The following MAP3K4 variants were observed in gnomAD, a reference collection of about 807,000 sequenced individuals.
The protein encoded by MAP3K4 is mitogen-activated protein kinase kinase kinase 4.
Under a neutral mutation model 185.6 loss-of-function variants are expected in MAP3K4, and 67 were observed. That is an observed-to-expected ratio of 0.36 (90% CI 0.30 to 0.44). MAP3K4 has a LOEUF of 0.44. Among genes scored for constraint, MAP3K4 ranks in the 20% least tolerant of loss-of-function variants. The pLI is 1.00. For synonymous variants in MAP3K4, 702 were observed against 710.4 expected, an observed-to-expected ratio of 0.99 and a Z score of 0.19; for missense variants, 1,551 against 1,995.1, an observed-to-expected ratio of 0.78 and a Z score of 4.24.
chr6:161,094,920 T>C (rs1166178152), intron 15 of MAP3K4, among the ~76,000 whole-genome samples: 1 of 152,228 alleles, frequency 6.6e-6, no homozygotes, highest in African/African-American at 2.4e-5. Flanking sequence ...TTTAAAATAT[T>C]TTATTAGATA....
rs1197306539 is a variant in MAP3K4 at position 161,084,858 on chromosome 6, G to A, written c.2372+241G>A. Among the ~76,000 whole-genome samples, 3 of 152,136 alleles carry A rather than the reference G, an allele frequency of 2.0e-5. No homozygotes were observed. The highest frequency in any genetic ancestry group is 1.3e-4 in the Admixed American group (2 of 15,272). On this transcript the variant is annotated intron_variant, in intron 7 of 26. Coordinates refer to ENST00000392142, the MANE Select transcript of MAP3K4 (RefSeq NM_005922.4). This position sits in a 1 kb window ranked among gnomAD's most constrained non-coding sequence, Gnocchi z 4.6. ...ATTTATTTAGTGTGATAAAAATAGT[G>A]CCAACTGGCTGGGCGCGGTGGCTCA...
chr6:161,014,491 G>A (rs561173024), intron 1 of MAP3K4, among the ~76,000 whole-genome samples: 1 of 152,322 alleles, frequency 6.6e-6, no homozygotes, highest in Admixed American at 6.5e-5. Context: ...GTCATGCAGA[G>A]AGCTGTTCCA....
rs1784939991 is a variant in MAP3K4 at position 161,071,457 on chromosome 6, C to T, written c.1950+607C>T. Among the ~76,000 whole-genome samples, 1 of 152,126 alleles carries T rather than the reference C, an allele frequency of 6.6e-6. No individual in the cohort carries two copies. Among genetic ancestry groups the T allele is most frequent in the Non-Finnish European group, 1.5e-5 (1 of 68,030 alleles). Reference sequence around the variant, plus strand: ...TATTCACCATATAAAGTAAAAATTTCCAGACCTTGTCCCCAAAAGAAGAAA... The same window carrying T: ...TATTCACCATATAAAGTAAAAATTTTCAGACCTTGTCCCCAAAAGAAGAAA... On this transcript the variant is annotated intron_variant, in intron 4 of 26. Transcript: ENST00000392142. This position sits in a 1 kb window ranked among gnomAD's most constrained non-coding sequence, Gnocchi z 4.6.
At chr6:161,014,120 CTT>C (rs1781972428) in intron 1 of MAP3K4, among the ~76,000 whole-genome samples, 1 of 152,190 alleles carries the variant, frequency 6.6e-6, no homozygotes, top group East Asian at 1.9e-4. Context: ...ATTAACATGA[CTT>C]TTGTAATAAC....
rs10945711 is a variant in MAP3K4 at position 161,084,259 on chromosome 6, G to A, written c.2256-242G>A. Among the ~76,000 whole-genome samples, 3,478 of 152,288 alleles carry A rather than the reference G, an allele frequency of 0.023. 142 individuals carry two copies. Among genetic ancestry groups the A allele is most frequent in the African/African-American group, 0.08 (3,338 of 41,536 alleles). On this transcript the variant is annotated intron_variant, in intron 6 of 26. Coordinates refer to ENST00000392142, the MANE Select transcript of MAP3K4 (RefSeq NM_005922.4). The surrounding 1 kb of genome is among the most constrained non-coding windows in gnomAD (Gnocchi z 4.6). The stretch of plus-strand genomic sequence containing the variant: ...TAATTCCATAGCTACTATGAATACA[G>A]TTTAAGATTTTAAGGTTTATATTGA...
chr6:160,994,162 A>G (rs530655598), intron 1 of MAP3K4, among the ~76,000 whole-genome samples: 30 of 150,032 alleles, frequency 2.0e-4, no homozygotes, highest in Non-Finnish European at 3.4e-4. Flanking sequence ...TTTATTTTCA[A>G]TAGTTTTTGG....
intron 23 of MAP3K4, among the ~76,000 whole-genome samples, chr6:161,111,634 G>A (rs569996048): frequency 6.6e-6 from 1 of 152,300 alleles, no homozygotes; most frequent in South Asian, 2.1e-4. Flanking sequence ...TACCTGCACT[G>A]GTGTTAAAAT....
chr6:161,070,904 G>C lies in MAP3K4; in HGVS notation c.1950+54G>C. The C allele has an allele frequency of 6.9e-7, 1 of 1,439,464 alleles. No homozygotes were observed. The highest frequency in any genetic ancestry group is 9.2e-7 in the Non-Finnish European group (1 of 1,085,942). 89.2% of individuals were successfully genotyped at this position (1,439,464 alleles called of 1,614,324 possible). On this transcript the variant is annotated intron_variant, in intron 4 of 26. Coordinates refer to ENST00000392142, the MANE Select transcript of MAP3K4 (RefSeq NM_005922.4). The surrounding 1 kb of genome is among the most constrained non-coding windows in gnomAD (Gnocchi z 4.5). Reference sequence around the variant, plus strand: ...TAGCAATTATTATATTATCCTACAGGCTTATCATTTTTATTTTGAGAGTTC... The same window carrying C: ...TAGCAATTATTATATTATCCTACAGCCTTATCATTTTTATTTTGAGAGTTC...
rs192477244 is a variant in MAP3K4 at position 161,070,031 on chromosome 6, C to T, written c.1708-577C>T. On this transcript the variant is annotated intron_variant, in intron 3 of 26. Transcript: ENST00000392142. This position sits in a 1 kb window ranked among gnomAD's most constrained non-coding sequence, Gnocchi z 4.5. ...AGGGTTCCCGGGAAGCATCACAAAA[C>T]GGATAACTGAGTCATGCCAACCAGG... is the stretch of plus-strand genomic sequence containing the variant. Among the ~76,000 whole-genome samples, 157 of 152,264 alleles carry T rather than the reference C, an allele frequency of 1.0e-3. No individual in the cohort carries two copies. Among genetic ancestry groups the T allele is most frequent in the African/African-American group, 3.3e-3 (138 of 41,540 alleles).
intron 2 of MAP3K4, among the ~76,000 whole-genome samples, chr6:161,038,679 A>G (rs1372547523): frequency 6.6e-6 from 1 of 152,236 alleles, no homozygotes; most frequent in Non-Finnish European, 1.5e-5. Context: ...TCTGTGGTTC[A>G]GGTGTGTAGG....
chr6:161,087,939 C>A lies in MAP3K4; in HGVS notation c.2808C>A (p.Thr936=). Residue 936 remains threonine, a synonymous_variant, in exon 10 of 27, where the codon ACC becomes ACA. Coordinates refer to ENST00000392142, the MANE Select transcript of MAP3K4 (RefSeq NM_005922.4). This position sits in a 1 kb window ranked among gnomAD's most constrained non-coding sequence, Gnocchi z 4.9. ...KVVPQVETVD[T]LRSMQVDNLL... is the part of the protein sequence containing the mutation. Reference sequence around the variant, plus strand: ...TGCCTCAGGTGGAGACTGTTGACACCCTGAGAAGCATGCAGGTACAGCTCA... The same window carrying A: ...TGCCTCAGGTGGAGACTGTTGACACACTGAGAAGCATGCAGGTACAGCTCA... The A allele has an allele frequency of 1.9e-6, 3 of 1,612,700 alleles. No individual in the cohort carries two copies. The highest frequency in any genetic ancestry group is 2.5e-6 in the Non-Finnish European group (3 of 1,179,666).
At chr6:161,083,692 T>G (rs752326211) in intron 6 of MAP3K4, among the ~76,000 whole-genome samples, 5 of 152,254 alleles carry the variant, frequency 3.3e-5, no homozygotes, top group African/African-American at 4.8e-5. Context: ...TGGACTTTCC[T>G]TCCGCCTTTT....
At chr6:161,019,044 CAT>C (rs1287297073) in intron 1 of MAP3K4, among the ~76,000 whole-genome samples, 2 of 152,162 alleles carry the variant, frequency 1.3e-5, no homozygotes, top group Admixed American at 6.5e-5. Context: ...ATACCAGTGA[CAT>C]GTGGAATAGT....
chr6:161,108,013 G>C lies in MAP3K4; in HGVS notation c.4119+44G>C, dbSNP rs769003730. On this transcript the variant is annotated intron_variant, in intron 21 of 26. Transcript: ENST00000392142. The surrounding 1 kb of genome is among the most constrained non-coding windows in gnomAD (Gnocchi z 5.7). ...TGGGGCCTTTGGGCCTGGCGGCTCT[G>C]GGTGATAGAAATTCCGTATAGACGC... 2.5e-6 allele frequency: 4 copies of C among 1,570,470 alleles called. No homozygotes were observed. The highest frequency in any genetic ancestry group is 2.6e-6 in the Non-Finnish European group (3 of 1,144,400).
chr6:161,077,511 A>G lies in MAP3K4; in HGVS notation c.2098-3370A>G, dbSNP rs2114831725. ...TTGGGAAAGGAGCCTGGCAAGAGCA[A>G]GGCACCGCAGGCAGCCTGTGGGGGC... On this transcript the variant is annotated intron_variant, in intron 5 of 26. Transcript: ENST00000392142. This position sits in a 1 kb window ranked among gnomAD's most constrained non-coding sequence, Gnocchi z 4.3. Among the ~76,000 whole-genome samples, 1 of 152,304 alleles carries G rather than the reference A, an allele frequency of 6.6e-6. No individual in the cohort carries two copies. The highest frequency in any genetic ancestry group is 6.5e-5 in the Admixed American group (1 of 15,310).
At position 161,034,878 on chromosome 6, in the gene MAP3K4, C is replaced by T. The variant is rs894756910; in HGVS notation, c.343+429C>T. Reference sequence around the variant, plus strand: ...TCCCCTGGATTCCCTCTGCTCTCTGCTGGTGCCCCGGGGTGCTATCTTTAG... The same window carrying T: ...TCCCCTGGATTCCCTCTGCTCTCTGTTGGTGCCCCGGGGTGCTATCTTTAG... On this transcript the variant is annotated intron_variant, in intron 2 of 26. Transcript: ENST00000392142. This position sits in a 1 kb window ranked among gnomAD's most constrained non-coding sequence, Gnocchi z 4.4. Among the ~76,000 whole-genome samples, 3 of 152,158 alleles carry T rather than the reference C, an allele frequency of 2.0e-5. No individual in the cohort carries two copies. Among genetic ancestry groups the T allele is most frequent in the African/African-American group, 4.8e-5 (2 of 41,442 alleles).
Position 161,112,653 on chromosome 6 carries a change from C to G in MAP3K4, c.4520-15C>G. The G allele has an allele frequency of 6.5e-7, 1 of 1,531,640 alleles. No homozygotes were observed. Among genetic ancestry groups the G allele is most frequent in the Non-Finnish European group, 8.8e-7 (1 of 1,138,536 alleles). 94.9% of individuals were successfully genotyped at this position (1,531,640 alleles called of 1,614,324 possible). On this transcript the variant is annotated splice_polypyrimidine_tract_variant and intron_variant, in intron 24 of 26. Coordinates refer to ENST00000392142, the MANE Select transcript of MAP3K4 (RefSeq NM_005922.4). This position sits in a 1 kb window ranked among gnomAD's most constrained non-coding sequence, Gnocchi z 5.1. The stretch of plus-strand genomic sequence containing the variant: ...TTATAACCCATTACTCTCAACATAT[C>G]TGTGACTTTTAAAGCATACATGGCA...
Position 161,034,558 on chromosome 6 carries a change from T to C in MAP3K4, c.343+109T>C. 1.1e-6 allele frequency: 1 copy of C among 870,968 alleles called. No individual in the cohort carries two copies. Among genetic ancestry groups the C allele is most frequent in the Admixed American group, 3.9e-5 (1 of 25,522 alleles). The allele number at this position is 870,968 out of a possible 1,614,324, so 54.0% of individuals were successfully genotyped here. A position where few individuals can be genotyped will look rare whatever the true frequency, so the allele number is the denominator to read the frequency against. On this transcript the variant is annotated intron_variant, in intron 2 of 26. Coordinates refer to ENST00000392142, the MANE Select transcript of MAP3K4 (RefSeq NM_005922.4). This position sits in a 1 kb window ranked among gnomAD's most constrained non-coding sequence, Gnocchi z 4.4. ...TTTATTTTTAATTTGATTTTAATGC[T>C]CCTGTAAAGTTCAATTTTTTTTTGA...
intron 1 of MAP3K4, 146 bp downstream of exon 1, chr6:160,992,229 C>T (rs1167261981): frequency 2.6e-6 from 3 of 1,145,916 alleles, no homozygotes; most frequent in East Asian, 3.1e-5. Context: ...GGGCGCGGTG[C>T]ATCCCTGGGT....
Sources: allele counts gnomAD v4.1 joint callset (sites outside exome capture counted in the v4.1 genomes callset), GRCh38; gene constraint gnomAD v4.1.1; non-coding constraint Gnocchi (gnomAD v3.1); transcripts MANE v1.5; gene names NCBI Gene and HGNC (gene_info 2026-07-23, HGNC 2026-07-21).